PGM1: variants seen among roughly 807,000 people sequenced by gnomAD.
The protein encoded by PGM1 is phosphoglucomutase-1.
PGM1 carries 52 observed loss-of-function variants against 55.6 expected under a neutral mutation model. The observed-to-expected ratio is 0.94, with a 90% CI of 0.75 to 1.18. The LOEUF is 1.18. Among genes scored for constraint, PGM1 ranks in the 50% most tolerant of loss-of-function variants. The probability of loss-of-function intolerance (pLI) is 0.00; values close to 1 mark genes in which losing one functional copy is unlikely to be tolerated. For synonymous variants in PGM1, 287 were observed against 271.7 expected (o/e 1.06, Z -0.55); for missense variants, 724 against 729.3 (o/e 0.99, Z 0.08).
At chr1:63,642,115 T>C (rs936277645) in intron 7 of PGM1, among the ~76,000 whole-genome samples, 1 of 152,108 alleles carries the variant, frequency 6.6e-6, no homozygotes, top group African/African-American at 2.4e-5. Context: ...AACCCCAGGG[T>C]CTTTGCGGGA....
intron 1 of PGM1, among the ~76,000 whole-genome samples, chr1:63,596,911 G>A (rs1237270169): frequency 6.6e-6 from 1 of 152,188 alleles, no homozygotes; most frequent in Non-Finnish European, 1.5e-5. Context: ...TCTGAACTGT[G>A]AGTCACTTTT....
chr1:63,607,824 A>G (rs1405276869), intron 1 of PGM1, among the ~76,000 whole-genome samples: 1 of 152,198 alleles, frequency 6.6e-6, no homozygotes, highest in African/African-American at 2.4e-5. Flanking sequence ...CAGTCAGTTT[A>G]TGGGTCACCT....
chr1:63,624,227 T>C (rs1469166005), intron 1 of PGM1, among the ~76,000 whole-genome samples: 1 of 144,546 alleles, frequency 6.9e-6, no homozygotes, highest in African/African-American at 2.6e-5. Flanking sequence ...TGTTTATGGA[T>C]CCTGGTAGTC....
At chr1:63,648,190 G>T (rs1649703658) in intron 7 of PGM1, among the ~76,000 whole-genome samples, 1 of 152,164 alleles carries the variant, frequency 6.6e-6, no homozygotes, top group Non-Finnish European at 1.5e-5. Context: ...AGGCTGTACA[G>T]GAACCATGGC....
In PGM1 at chr1:63,647,259, C is replaced by CATATATATATATATAT. The variant is rs55760196; in HGVS notation, c.1145-1224_1145-1209dup. Among the ~76,000 whole-genome samples, 49 of 55,332 alleles carry CATATATATATATATAT rather than the reference C, an allele frequency of 8.9e-4. 3 individuals carry two copies. Among genetic ancestry groups the CATATATATATATATAT allele is most frequent in the Middle Eastern group, 0.013 (1 of 78 alleles). 36.3% of individuals were successfully genotyped at this position (55,332 alleles called of 152,430 possible). A position where few individuals can be genotyped will look rare whatever the true frequency, so the allele number is the denominator to read the frequency against. On this transcript the variant is annotated intron_variant, in intron 7 of 10. Transcript: ENST00000371084. ...CTCCGTCTCAAAAAATAAAATTTTA[C>CATATATATATATATAT]ATATATATATATATATATATATATA...
At chr1:63,636,103 A>C in intron 5 of PGM1, 131 bp from the exon 6 acceptor site, 1 of 901,736 alleles carries the variant, frequency 1.1e-6, no homozygotes, top group Non-Finnish European at 1.8e-6. Flanking sequence ...CCCAGTGTTA[A>C]AAATGCAGTA....
At chr1:63,605,226 ATGAAAGT>A (rs1353809936) in intron 1 of PGM1, among the ~76,000 whole-genome samples, 2 of 152,130 alleles carry the variant, frequency 1.3e-5, no homozygotes, top group African/African-American at 4.8e-5. Flanking sequence ...CTTCCTGCTG[ATGAAAGT>A]TGGAGGAAAA....
chr1:63,636,206 C>G (rs768407164), intron 5 of PGM1, 28 bp from the exon 6 acceptor site: 1 of 1,609,956 alleles, frequency 6.2e-7, no homozygotes, highest in East Asian at 2.2e-5. Flanking sequence ...ATTAAAAGGT[C>G]TTTCTTTGAT....
chr1:63,649,982 G>A (rs2100999659), intron 8 of PGM1, among the ~76,000 whole-genome samples: 1 of 152,280 alleles, frequency 6.6e-6, no homozygotes, highest in African/African-American at 2.4e-5. Flanking sequence ...GTGAACAATA[G>A]CCAGAGTAGA....
At chr1:63,636,855 C>T (rs894158748) in intron 6 of PGM1, among the ~76,000 whole-genome samples, 1 of 152,188 alleles carries the variant, frequency 6.6e-6, no homozygotes, top group African/African-American at 2.4e-5. Context: ...TTTTCTTTTG[C>T]AGTGTGCACA....
chr1:63,648,461 T>G lies in PGM1; in HGVS notation c.1145-56T>G. 5.0e-6 allele frequency: 8 copies of G among 1,593,600 alleles called. No individual in the cohort carries two copies. The South Asian group carries it at 7.7e-5, about 15-fold the overall frequency. ...CAGAGCCAAACCATATCAAGTACCT[T>G]CTCAGGTACTGGGAGAAAGCACGTT... is the stretch of plus-strand genomic sequence containing the variant. On this transcript the variant is annotated intron_variant, in intron 7 of 10. Coordinates refer to ENST00000371084, the MANE Select transcript of PGM1 (RefSeq NM_002633.3).
In PGM1 at chr1:63,650,995, C is replaced by T. The variant is rs1032666601; in HGVS notation, c.1281-674C>T. On this transcript the variant is annotated intron_variant, in intron 8 of 10. Transcript: ENST00000371084. ...TTCCTAGGTGATGGGTTGATAGGTGCGGCAAATCACCATGGCACATTTACC... is the reference window on the plus strand; with the variant it reads ...TTCCTAGGTGATGGGTTGATAGGTGTGGCAAATCACCATGGCACATTTACC... Among the ~76,000 whole-genome samples the T allele has an allele frequency of 3.3e-5, 5 of 151,934 alleles. No individual in the cohort carries two copies. The East Asian group carries it at 5.8e-4, about 18-fold the overall frequency.
At chr1:63,623,617 T>G in intron 1 of PGM1, 1 of 1,612,820 alleles carries the variant, frequency 6.2e-7, no homozygotes, top group East Asian at 2.2e-5. Flanking sequence ...AAAGCCATGC[T>G]ATCTGGAGAA....
In PGM1 at chr1:63,636,342, G is replaced by A. The variant is rs1213936282; in HGVS notation, c.982G>A (p.Val328Ile). The change falls in exon 6 of 11, where the codon GTC becomes ATC. Residue 328 changes from valine to isoleucine, a missense_variant. Around this residue, in one of 3 missense-constraint regions of PGM1, gnomAD observed 316 missense variants for 313.1 expected, o/e 1.01. Transcript: ENST00000371084. ...CATTCCGTATTTCCAGCAGACTGGG[G>A]TCCGCGGCTTTGCACGGAGCATGCC... is the stretch of plus-strand genomic sequence containing the variant. The part of the protein sequence containing the change: ...FSIPYFQQTG[V>I]RGFARSMPTS... 1 of 1,614,002 alleles carries A rather than the reference G, an allele frequency of 6.2e-7. No individual in the cohort carries two copies. Among genetic ancestry groups the A allele is most frequent in the African/African-American group, 1.3e-5 (1 of 74,926 alleles).
chr1:63,633,413 C>A (rs1649251269), intron 4 of PGM1, among the ~76,000 whole-genome samples: 1 of 152,152 alleles, frequency 6.6e-6, no homozygotes, highest in African/African-American at 2.4e-5. Context: ...GTTTCTATAT[C>A]CCTCACAGCC....
intron 1 of PGM1, among the ~76,000 whole-genome samples, chr1:63,605,662 G>A (rs186780711): frequency 8.7e-4 from 133 of 152,010 alleles, no homozygotes; most frequent in Non-Finnish European, 3.2e-4. Flanking sequence ...CTGGAGCCTC[G>A]AATTCTCAGG....
At chr1:63,630,851 T>C (rs1394330176) in intron 3 of PGM1, among the ~76,000 whole-genome samples, 1 of 152,246 alleles carries the variant, frequency 6.6e-6, no homozygotes, top group East Asian at 1.9e-4. Flanking sequence ...TGCATTTTAT[T>C]AGTCATTTAG....
intron 4 of PGM1, among the ~76,000 whole-genome samples, chr1:63,632,043 T>C (rs1404556733): frequency 6.6e-6 from 1 of 152,210 alleles, no homozygotes; most frequent in East Asian, 1.9e-4. Flanking sequence ...AACATGCAAC[T>C]GCTGTTGTGG....
intron 8 of PGM1, among the ~76,000 whole-genome samples, chr1:63,649,733 T>C (rs1009988840): frequency 1.3e-5 from 2 of 152,232 alleles, no homozygotes; most frequent in Non-Finnish European, 2.9e-5. Flanking sequence ...GTTACTGTTT[T>C]GTGGAAGGAA....
Sources: allele counts gnomAD v4.1 joint callset (sites outside exome capture counted in the v4.1 genomes callset), GRCh38; gene constraint gnomAD v4.1.1; regional missense constraint gnomAD v4.1.1; transcripts MANE v1.5; gene names NCBI Gene and HGNC (gene_info 2026-07-23, HGNC 2026-07-21).